Variants in EXOC2 observed in about 807,000 individuals in gnomAD.
EXOC2 encodes SEC5-like 1.
Under a neutral mutation model 131.8 loss-of-function variants are expected in EXOC2, and 70 were observed. That is an observed-to-expected ratio of 0.53 (90% CI 0.44 to 0.65). The LOEUF (loss-of-function observed/expected upper bound fraction) is 0.65. Among genes scored for constraint, EXOC2 ranks in the 30% least tolerant of loss-of-function variants. The probability of loss-of-function intolerance (pLI) is 0.00; values close to 1 mark genes in which losing one functional copy is unlikely to be tolerated. For synonymous variants in EXOC2, 411 were observed against 398.4 expected (o/e 1.03, Z -0.38); for missense variants, 923 against 1,108.6 (o/e 0.83, Z 2.38).
At chr6:620,727 A>T (rs1477127905) in intron 4 of EXOC2, among the ~76,000 whole-genome samples, 2 of 152,110 alleles carry the variant, frequency 1.3e-5, no homozygotes, top group Non-Finnish European at 2.9e-5. Context: ...ACTTCACCCA[A>T]AGGTAACATT....
intron 1 of EXOC2, among the ~76,000 whole-genome samples, chr6:659,497 ACTG>A (rs1310323803): frequency 1.3e-5 from 2 of 152,194 alleles, no homozygotes; most frequent in African/African-American, 4.8e-5. Context: ...AAGGAAGTAA[ACTG>A]CTCTTGCAGG....
rs542544869 is a variant in EXOC2, at chr6:530,862, A to C, written c.2380+1607T>G. Among the ~76,000 whole-genome samples the C allele has an allele frequency of 2.0e-5, 3 of 152,354 alleles. No individual in the cohort carries two copies. The South Asian group carries it at 6.2e-4, about 32-fold the overall frequency. ...GGCTGCATCTGTACTGAGCATATAC[A>C]AACTTTCTTCCTTGTCATGACTCCC... On this transcript the variant is annotated intron_variant, in intron 23 of 27. Transcript: ENST00000230449.
At position 617,664 on chromosome 6, in the gene EXOC2, T is replaced by G. The variant is rs758116263; in HGVS notation, c.661+47A>C. The stretch of plus-strand genomic sequence containing the variant: ...TAAACACCCTGCAGGCAGTGCCGGG[T>G]TTCCATGGCGGAAGCTGCCAGCAGA... On this transcript the variant is annotated intron_variant, in intron 6 of 27. Transcript: ENST00000230449. The G allele has an allele frequency of 5.7e-6, 9 of 1,590,946 alleles. No individual in the cohort carries two copies. The African/African-American group carries it at 9.4e-5, about 17-fold the overall frequency.
At chr6:502,427 G>C (rs1177133639) in intron 23 of EXOC2, among the ~76,000 whole-genome samples, 24 of 152,144 alleles carry the variant, frequency 1.6e-4, no homozygotes, top group Admixed American at 1.6e-3. Context: ...ATTATACTTA[G>C]AGTGAAGCCA....
chr6:576,973 T>G, intron 11 of EXOC2, 91 bp from the exon 12 acceptor site: 1 of 1,198,748 alleles, frequency 8.3e-7, no homozygotes, highest in South Asian at 1.5e-5. Flanking sequence ...CTGAGGCTAT[T>G]TCTTGCTCAA....
chr6:586,870 G>GTCTGGACACCCACTA (rs1759238903), intron 11 of EXOC2, among the ~76,000 whole-genome samples: 1 of 152,188 alleles, frequency 6.6e-6, no homozygotes, highest in Non-Finnish European at 1.5e-5. Flanking sequence ...CGGAGGACGT[G>GTCTGGACACCCACTA]GGTCTGTCCT....
intron 1 of EXOC2, among the ~76,000 whole-genome samples, chr6:665,316 C>T (rs1763592485): frequency 6.9e-6 from 1 of 144,322 alleles, no homozygotes; most frequent in Admixed American, 6.8e-5. Context: ...GAACAGGGAA[C>T]ACTTCTACAC....
intron 2 of EXOC2, among the ~76,000 whole-genome samples, chr6:636,415 T>C (rs846158): frequency 0.71 from 107,733 of 152,144 alleles, 38,785 homozygotes; most frequent in Middle Eastern, 0.88. Flanking sequence ...TCCATGGTAT[T>C]CCTTCATTTG....
intron 11 of EXOC2, among the ~76,000 whole-genome samples, chr6:579,933 T>C (rs1229309573): frequency 6.6e-6 from 1 of 152,176 alleles, no homozygotes; most frequent in Non-Finnish European, 1.5e-5. Flanking sequence ...CAAAAGTCTT[T>C]AAATATTTCA....
intron 1 of EXOC2, among the ~76,000 whole-genome samples, chr6:639,701 C>T (rs975297163): frequency 6.6e-6 from 1 of 152,338 alleles, no homozygotes; most frequent in South Asian, 2.1e-4. Context: ...AAACTGCCCA[C>T]ACACAAACTC....
rs1034551293 is a variant in EXOC2, at chr6:485,744, A to G, written c.*927T>C. ...AGAGAAGAGACTGTGTGACAGCAGC[A>G]TTGTTCCAGCTACTGAGCAAGATCC... On this transcript the variant is annotated 3_prime_UTR_variant, in exon 28 of 28. Transcript: ENST00000230449. The G allele has an allele frequency of 4.6e-5, 7 of 152,250 alleles. No individual in the cohort carries two copies. The highest frequency in any genetic ancestry group is 1.7e-4 in the African/African-American group (7 of 41,460). The allele number at this position is 152,250 out of a possible 1,614,324, so 9.4% of individuals were successfully genotyped here. A position where few individuals can be genotyped will look rare whatever the true frequency, so the allele number is the denominator to read the frequency against.
chr6:533,664 G>T (rs1032751409), intron 22 of EXOC2, among the ~76,000 whole-genome samples: 3 of 152,192 alleles, frequency 2.0e-5, no homozygotes, highest in African/African-American at 7.2e-5. Flanking sequence ...CTACGTGAGT[G>T]TGCCTTGTCT....
At chr6:564,228 T>C (rs1757849402) in intron 15 of EXOC2, 74 bp from the exon 16 acceptor site, 1 of 1,562,382 alleles carries the variant, frequency 6.4e-7, no homozygotes, top group South Asian at 1.2e-5. Flanking sequence ...TCTTTCACTG[T>C]ATAATCATTC....
chr6:597,862 A>C (rs961670166), intron 10 of EXOC2, among the ~76,000 whole-genome samples, 159 bp downstream of exon 10: 2 of 152,210 alleles, frequency 1.3e-5, no homozygotes, highest in Non-Finnish European at 2.9e-5. Context: ...AAGAATTTTG[A>C]TGTCCTACGC....
At chr6:542,261 CTATTA>C (rs1756599172) in intron 22 of EXOC2, among the ~76,000 whole-genome samples, 1 of 152,106 alleles carries the variant, frequency 6.6e-6, no homozygotes, top group African/African-American at 2.4e-5. Flanking sequence ...GATATCTATT[CTATTA>C]TATGGATAAA....
rs186835076 is a variant in EXOC2, at chr6:502,198, C to T, written c.2381-2498G>A. On this transcript the variant is annotated intron_variant, in intron 23 of 27. Transcript: ENST00000230449. ...AAGCACAATAGTAAGCTGCTATTTT[C>T]GATGCTCTAAGGAACAGAATAAAAA... 2.2e-3 allele frequency among the ~76,000 whole-genome samples: 340 copies of T among 152,216 alleles called. 2 individuals are homozygous for T. The highest frequency in any genetic ancestry group is 7.5e-3 in the African/African-American group (312 of 41,528).
At chr6:665,817 G>A (rs1224713942) in intron 1 of EXOC2, among the ~76,000 whole-genome samples, 1 of 152,088 alleles carries the variant, frequency 6.6e-6, no homozygotes, top group South Asian at 2.1e-4. Flanking sequence ...AAGACTACAG[G>A]ATGTGGTGCA....
chr6:678,709 A>G (rs866613991), intron 1 of EXOC2, among the ~76,000 whole-genome samples: 65 of 152,358 alleles, frequency 4.3e-4, no homozygotes, highest in African/African-American at 1.4e-3. Flanking sequence ...CTCCAGGGCA[A>G]CAGGGGGAAG....
chr6:535,633 A>G (rs1766396262), intron 22 of EXOC2, among the ~76,000 whole-genome samples: 2 of 152,214 alleles, frequency 1.3e-5, no homozygotes, highest in South Asian at 4.1e-4. Flanking sequence ...GTAGTCCTAT[A>G]TTTATTAAAC....
Sources: gnomAD v4.1 joint callset for allele counts (sites outside exome capture counted in the v4.1 genomes callset) on GRCh38, gnomAD v4.1.1 for gene constraint, MANE v1.5 for transcripts, NCBI Gene and HGNC (gene_info 2026-07-23, HGNC 2026-07-21) for gene names.